Variants in ZNF701 observed in about 807,000 individuals in gnomAD.
The protein encoded by ZNF701 is zinc finger protein 701.
ZNF701 carries 6 observed loss-of-function variants against 7.1 expected under a neutral mutation model. The ratio of observed to expected loss-of-function variants is 0.84; its 90% CI spans 0.46 to 1.66. The LOEUF (loss-of-function observed/expected upper bound fraction) is 1.66. ZNF701 is among the 40% of genes most tolerant of loss of function. ZNF701 has a pLI of 0.01. For missense variants in ZNF701, 541 were observed against 559.2 expected, an observed-to-expected ratio of 0.97 and a Z score of 0.33; for synonymous variants, 166 against 188.2, an observed-to-expected ratio of 0.88 and a Z score of 0.97.
rs752133821 is a variant in ZNF701 at position 52,583,284 on chromosome 19, C to T, written c.1225C>T (p.Arg409Cys). 2.2e-5 allele frequency: 36 copies of T among 1,613,678 alleles called. No individual in the cohort carries two copies. Among genetic ancestry groups the T allele is most frequent in the African/African-American group, 2.0e-4 (15 of 74,848 alleles). ...MHKVIHTGEKRYKCNECGKVF... is the reference protein window; with the variant it reads ...MHKVIHTGEKCYKCNECGKVF... ...TAAGGTCATTCATACTGGAGAGAAA[C>T]GTTACAAGTGTAATGAATGTGGCAA... Residue 409 changes from arginine (R) to cysteine (C), a missense_variant, in exon 4 of 4, where the codon CGT becomes TGT. By Grantham distance (180) the Arg-to-Cys change is radical (BLOSUM62 -3). Transcript: ENST00000391785.
At chr19:52,599,828 G>A in the ZNF701 span, among the ~76,000 whole-genome samples, 1 of 152,148 alleles carries the variant, frequency 6.6e-6, no homozygotes, top group Non-Finnish European at 1.5e-5. Flanking sequence ...CACCAGAGAG[G>A]GCCCCTGTCG....
the ZNF701 span, among the ~76,000 whole-genome samples, chr19:52,594,575 G>A: frequency 3.3e-5 from 5 of 149,982 alleles, no homozygotes; most frequent in Non-Finnish European, 7.4e-5. Context: ...GTGCAATGGT[G>A]CGATCTCGGC....
intron 3 of ZNF701, among the ~76,000 whole-genome samples, chr19:52,581,728 C>A (rs1335303302): frequency 1.3e-5 from 2 of 152,326 alleles, no homozygotes; most frequent in South Asian, 4.1e-4. Context: ...GATTCTTTGA[C>A]AATACAGAAA....
At position 52,583,813 on chromosome 19, in the gene ZNF701, T is replaced by C; in HGVS notation, c.*356T>C. The C allele has an allele frequency of 1.7e-6, 1 of 583,226 alleles. No homozygotes were observed. The highest frequency in any genetic ancestry group is 3.2e-6 in the Non-Finnish European group (1 of 309,966). The allele number at this position is 583,226 out of a possible 1,614,324, so 36.1% of individuals were successfully genotyped here. ...GACTAATGTAATGATTGTCACAAAG[T>C]CTTCAGTAATATTACAGCCATTGCA... is the stretch of plus-strand genomic sequence containing the variant. On this transcript the variant is annotated 3_prime_UTR_variant, in exon 4 of 4. Transcript: ENST00000391785.
At chr19:52,576,805 T>C (rs189551273) in intron 3 of ZNF701, among the ~76,000 whole-genome samples, 1 of 152,294 alleles carries the variant, frequency 6.6e-6, no homozygotes, top group East Asian at 1.9e-4. Flanking sequence ...TAGTACTTTC[T>C]TTTTATAAGC....
At chr19:52,591,620 C>G (rs887129475), downstream of ZNF701, among the ~76,000 whole-genome samples, 3 of 152,058 alleles carry the variant, frequency 2.0e-5, no homozygotes, top group Non-Finnish European at 4.4e-5. Context: ...TCCCAAGTAC[C>G]TGGGATTAGA....
At chr19:52,575,359 C>T (rs919127748) in intron 2 of ZNF701, among the ~76,000 whole-genome samples, 2 of 152,130 alleles carry the variant, frequency 1.3e-5, no homozygotes, top group Non-Finnish European at 1.5e-5. Context: ...TATATACACA[C>T]ACACATATGT....
chr19:52,583,029 A>G lies in ZNF701; in HGVS notation c.970A>G (p.Lys324Glu), dbSNP rs2059986746. 2 of 1,614,012 alleles carry G rather than the reference A, an allele frequency of 1.2e-6. No individual in the cohort carries two copies. Among genetic ancestry groups the G allele is most frequent in the Non-Finnish European group, 1.7e-6 (2 of 1,179,976 alleles). Residue 324 changes from lysine (K) to glutamate (E), a missense_variant, in exon 4 of 4, where the codon AAA (lysine) becomes GAA (glutamate). Physicochemically the swap from Lys to Glu is moderately conservative, Grantham distance 56. Coordinates refer to ENST00000391785, the MANE Select transcript of ZNF701 (RefSeq NM_018260.3). ...TCATCATAGAGTTCATACTGGAGAG[A>G]AACCTTACAAATGTGAAGAATGTGA... ...ARHHRVHTGEKPYKCEECDKV... is the reference protein window; with the variant it reads ...ARHHRVHTGEEPYKCEECDKV...
chr19:52,578,661 GTTA>G (rs1342870533), intron 3 of ZNF701, among the ~76,000 whole-genome samples: 1 of 152,144 alleles, frequency 6.6e-6, no homozygotes, highest in Non-Finnish European at 1.5e-5. Context: ...CTCAACTATT[GTTA>G]TTATTTTAAA....
At chr19:52,571,399 CAG>C (rs1471978802) in intron 1 of ZNF701, among the ~76,000 whole-genome samples, 2 of 152,030 alleles carry the variant, frequency 1.3e-5, no homozygotes, top group Non-Finnish European at 1.5e-5. Context: ...GAGAATTTAA[CAG>C]GGAGAGCGGC....
downstream of ZNF701, among the ~76,000 whole-genome samples, chr19:52,587,371 A>G (rs2060018621): frequency 6.6e-6 from 1 of 152,088 alleles, no homozygotes; most frequent in Admixed American, 6.5e-5. Flanking sequence ...CCAGCCATAC[A>G]GGCCTCTTTC....
chr19:52,588,438 G>T, downstream of ZNF701: 1 of 170,368 alleles, frequency 5.9e-6, no homozygotes, highest in Non-Finnish European at 1.2e-5. Context: ...GTGAGCTGAG[G>T]TCATGCCACT....
chr19:52,596,105 GA>G, the ZNF701 span: 2 of 1,024,392 alleles, frequency 2.0e-6, no homozygotes, highest in East Asian at 2.4e-5. Context: ...ACACATGAGG[GA>G]AAAACCTTTC....
Position 52,583,812 on chromosome 19 carries a change from G to A in ZNF701, c.*355G>A. The A allele has an allele frequency of 1.7e-6, 1 of 584,638 alleles. No homozygotes were observed. The highest frequency in any genetic ancestry group is 3.2e-6 in the Non-Finnish European group (1 of 310,858). 36.2% of individuals were successfully genotyped at this position (584,638 alleles called of 1,614,324 possible). ...TGACTAATGTAATGATTGTCACAAAGTCTTCAGTAATATTACAGCCATTGC... is the reference window on the plus strand; with the variant it reads ...TGACTAATGTAATGATTGTCACAAAATCTTCAGTAATATTACAGCCATTGC... On this transcript the variant is annotated 3_prime_UTR_variant, in exon 4 of 4. Transcript: ENST00000391785.
the ZNF701 span, among the ~76,000 whole-genome samples, chr19:52,593,184 T>C: frequency 2.5e-5 from 3 of 118,574 alleles, 1 homozygote; most frequent in Admixed American, 1.7e-4. Context: ...TACCTCTTTC[T>C]ACACAGACAC....
In ZNF701 at chr19:52,585,556, A is replaced by AG. The variant is rs1215112980; in HGVS notation, c.*2099_*2100insG. 6.9e-6 allele frequency: 1 copy of AG among 144,134 alleles called. No individual in the cohort carries two copies. The highest frequency in any genetic ancestry group is 6.9e-5 in the Admixed American group (1 of 14,394). The allele number at this position is 144,134 out of a possible 1,614,324, so 8.9% of individuals were successfully genotyped here. A position where few individuals can be genotyped will look rare whatever the true frequency, so the allele number is the denominator to read the frequency against. ...GGATATTAAACATAGAATTGAAGAAAAAAAAAAAAACCCCACAAAGTAACA... is the reference window on the plus strand; with the variant it reads ...GGATATTAAACATAGAATTGAAGAAAGAAAAAAAAAACCCCACAAAGTAACA... On this transcript the variant is annotated 3_prime_UTR_variant, in exon 4 of 4. Transcript: ENST00000391785.
At chr19:52,574,712 T>A (rs1468926204) in intron 2 of ZNF701, among the ~76,000 whole-genome samples, 2 of 152,208 alleles carry the variant, frequency 1.3e-5, no homozygotes, top group African/African-American at 4.8e-5. Context: ...ACAGGGGTTT[T>A]ATTCCATCCT....
intron 1 of ZNF701, chr19:52,572,351 A>G: frequency 7.8e-7 from 1 of 1,288,598 alleles, no homozygotes; most frequent in Non-Finnish European, 1.0e-6. Context: ...CACCGCACTC[A>G]GCCTCCCTGT....
downstream of ZNF701, among the ~76,000 whole-genome samples, chr19:52,591,497 T>A (rs2060036700): frequency 6.7e-6 from 1 of 150,032 alleles, no homozygotes; most frequent in Non-Finnish European, 1.5e-5. Flanking sequence ...ATATATAGTT[T>A]GTTTGTTTTT....
Sources: gnomAD v4.1 joint callset for allele counts (sites outside exome capture counted in the v4.1 genomes callset) on GRCh38, gnomAD v4.1.1 for gene constraint, MANE v1.5 for transcripts, NCBI Gene and HGNC (gene_info 2026-07-23, HGNC 2026-07-21) for gene names.